The following PTPRN2 variants were observed in gnomAD, a reference collection of about 807,000 sequenced individuals.
PTPRN2 encodes the protein protein tyrosine phosphatase receptor type N2, also known as receptor-type tyrosine-protein phosphatase N2.
A neutral mutation model predicts 118.8 loss-of-function variants in PTPRN2; 74 were observed. That is an observed-to-expected ratio of 0.62 (90% CI 0.52 to 0.76). PTPRN2 has a LOEUF of 0.76. Ranked by LOEUF, PTPRN2 falls within the 30% of genes least tolerant of loss-of-function variation. The pLI, the probability that PTPRN2 is intolerant of heterozygous loss-of-function variation, is 0.00. For missense variants in PTPRN2, 1,481 were observed against 1,394.4 expected (o/e 1.06, Z -0.99); for synonymous variants, 641 against 608.0 (o/e 1.05, Z -0.80).
At chr7:157,628,481 G>A (rs1803733120) in intron 14 of PTPRN2, among the ~76,000 whole-genome samples, 1 of 152,204 alleles carries the variant, frequency 6.6e-6, no homozygotes, top group African/African-American at 2.4e-5. Flanking sequence ...GAACACACTG[G>A]GAAGGCACTG....
intron 10 of PTPRN2, among the ~76,000 whole-genome samples, chr7:158,092,161 T>C (rs897567556): frequency 5.3e-5 from 8 of 150,466 alleles, no homozygotes; most frequent in African/African-American, 1.7e-4. Context: ...GATGGGTGAA[T>C]GGGAGGGCAG....
In PTPRN2 at chr7:157,944,703, A is replaced by G. The variant is rs192984016; in HGVS notation, c.1724-45966T>C. On this transcript the variant is annotated intron_variant, in intron 11 of 22. Transcript: ENST00000389418. The surrounding 1 kb of genome is among the most constrained non-coding windows in gnomAD (Gnocchi z 4.3). ...GGGAGTTGTTTTTAGTCACCAGGCCAGTGACCACTGTCCAGCAGGTCCACG... is the reference window on the plus strand; with the variant it reads ...GGGAGTTGTTTTTAGTCACCAGGCCGGTGACCACTGTCCAGCAGGTCCACG... Among the ~76,000 whole-genome samples the G allele has an allele frequency of 6.6e-6, 1 of 152,218 alleles. No individual in the cohort carries two copies. Among genetic ancestry groups the G allele is most frequent in the Non-Finnish European group, 1.5e-5 (1 of 68,034 alleles).
chr7:157,591,627 G>T lies in PTPRN2; in HGVS notation c.2496+3611C>A, dbSNP rs960201347. 6.6e-6 allele frequency among the ~76,000 whole-genome samples: 1 copy of T among 152,250 alleles called. No individual in the cohort carries two copies. Among genetic ancestry groups the T allele is most frequent in the Non-Finnish European group, 1.5e-5 (1 of 68,040 alleles). ...TCTGCTAAGCCAGAGAGGGCAAAGA[G>T]AACCCTAACTTTGAATTTTTAAGAA... On this transcript the variant is annotated intron_variant, in intron 17 of 22. Coordinates refer to ENST00000389418, the MANE Select transcript of PTPRN2 (RefSeq NM_002847.5). The surrounding 1 kb of genome is among the most constrained non-coding windows in gnomAD (Gnocchi z 4.4).
chr7:157,999,497 C>A (rs915468138), intron 11 of PTPRN2, among the ~76,000 whole-genome samples: 1 of 152,194 alleles, frequency 6.6e-6, no homozygotes, highest in Admixed American at 6.5e-5. Flanking sequence ...ACTTACCCTG[C>A]GTTTTCCACC....
chr7:157,735,515 G>A (rs1800246512), intron 12 of PTPRN2, among the ~76,000 whole-genome samples: 2 of 152,216 alleles, frequency 1.3e-5, no homozygotes, highest in African/African-American at 4.8e-5. Context: ...GAAAATGAGG[G>A]TTTGAAGCTG....
intron 3 of PTPRN2, among the ~76,000 whole-genome samples, chr7:158,290,016 G>C (rs767100699): frequency 1.3e-5 from 2 of 152,172 alleles, no homozygotes; most frequent in Non-Finnish European, 2.9e-5. Flanking sequence ...CCTGGCATCC[G>C]TTAAGGCAGG....
rs543726783 is a variant in PTPRN2, at chr7:158,396,285, T to C, written c.164-79353A>G. Among the ~76,000 whole-genome samples, 5 of 152,296 alleles carry C rather than the reference T, an allele frequency of 3.3e-5. No homozygotes were observed. In the South Asian group the frequency reaches 6.2e-4, roughly 19 times the overall value. ...GAAGCCGTTTAAAACAATAAAAGTG[T>C]AGTGCTGGGGAAATGATTAATGCAT... On this transcript the variant is annotated intron_variant, in intron 2 of 22. Transcript: ENST00000389418.
chr7:157,557,099 C>T (rs1250950483), intron 21 of PTPRN2, among the ~76,000 whole-genome samples: 1 of 151,566 alleles, frequency 6.6e-6, no homozygotes, highest in African/African-American at 2.4e-5. Flanking sequence ...CAGATATACA[C>T]ACAGGCATGC....
intron 3 of PTPRN2, among the ~76,000 whole-genome samples, chr7:158,234,017 G>T (rs73176124): frequency 1.3e-5 from 2 of 152,004 alleles, no homozygotes; most frequent in South Asian, 4.2e-4. Flanking sequence ...CTATGAAACC[G>T]CTAAAAGAAA....
chr7:158,259,601 G>A (rs1328031405), intron 3 of PTPRN2, among the ~76,000 whole-genome samples: 1 of 152,178 alleles, frequency 6.6e-6, no homozygotes, highest in African/African-American at 2.4e-5. Flanking sequence ...CACTCTTCCC[G>A]GGGATCCCAC....
chr7:158,541,705 A>C, intron 1 of PTPRN2: 1 of 1,256,602 alleles, frequency 8.0e-7, no homozygotes, highest in Non-Finnish European at 1.0e-6. Context: ...AGTGAACTAA[A>C]GAAAATTAAA....
chr7:157,797,477 G>A (rs532954915), intron 12 of PTPRN2, among the ~76,000 whole-genome samples: 5 of 138,282 alleles, frequency 3.6e-5, no homozygotes, highest in South Asian at 2.1e-4. Context: ...GGCTGAGGTC[G>A]TGGGAGGCAT....
At chr7:158,331,147 C>A (rs200464982) in intron 2 of PTPRN2, among the ~76,000 whole-genome samples, 1 of 67,210 alleles carries the variant, frequency 1.5e-5, no homozygotes, top group Non-Finnish European at 3.3e-5. Flanking sequence ...CGCCCGCAGA[C>A]GTCACTCACA....
intron 11 of PTPRN2, among the ~76,000 whole-genome samples, chr7:158,047,922 T>C (rs1057449657): frequency 6.6e-6 from 1 of 152,140 alleles, no homozygotes; most frequent in African/African-American, 2.4e-5. Flanking sequence ...CAAGGTGACC[T>C]GGGGGTAGGA....
chr7:157,798,131 C>T (rs562941031), intron 12 of PTPRN2, among the ~76,000 whole-genome samples: 27 of 152,216 alleles, frequency 1.8e-4, no homozygotes, highest in African/African-American at 5.3e-4. Context: ...TGGTGGCGCA[C>T]GCCTGTAATC....
chr7:158,351,055 A>G (rs1807887669), intron 2 of PTPRN2, among the ~76,000 whole-genome samples: 2 of 152,164 alleles, frequency 1.3e-5, no homozygotes, highest in South Asian at 4.1e-4. Context: ...GCCCACAGTT[A>G]TCCCATTACG....
chr7:157,737,095 G>A (rs1437475854), intron 12 of PTPRN2, among the ~76,000 whole-genome samples: 1 of 152,232 alleles, frequency 6.6e-6, no homozygotes, highest in Non-Finnish European at 1.5e-5. Context: ...AGTGAACTAC[G>A]TCCTGGTTGC....
At chr7:157,639,761 C>T (rs1804560996) in intron 14 of PTPRN2, among the ~76,000 whole-genome samples, 1 of 152,246 alleles carries the variant, frequency 6.6e-6, no homozygotes, top group Non-Finnish European at 1.5e-5. Context: ...GAGCCCCCCA[C>T]ATAACACAGG....
intron 11 of PTPRN2, among the ~76,000 whole-genome samples, chr7:157,971,242 T>C (rs1802308820): frequency 6.6e-6 from 1 of 152,236 alleles, no homozygotes; most frequent in Non-Finnish European, 1.5e-5. Context: ...TAAATGCATT[T>C]TTGAAGCATC....
Sources: allele counts gnomAD v4.1 joint callset (sites outside exome capture counted in the v4.1 genomes callset), GRCh38; gene constraint gnomAD v4.1.1; non-coding constraint Gnocchi (gnomAD v3.1); transcripts MANE v1.5; gene names NCBI Gene and HGNC (gene_info 2026-07-23, HGNC 2026-07-21).